The following ST7 variants were observed in gnomAD, a reference collection of about 807,000 sequenced individuals.
The protein encoded by ST7 is suppression of tumorigenicity 7.
A neutral mutation model predicts 78.7 loss-of-function variants in ST7; 28 were observed. That is an observed-to-expected ratio of 0.36 (90% CI 0.26 to 0.49). The LOEUF (loss-of-function observed/expected upper bound fraction) is 0.49, where lower values mean the gene tolerates loss of function less well. Among genes scored for constraint, ST7 ranks in the 20% least tolerant of loss-of-function variants. The probability of loss-of-function intolerance (pLI) is 0.99; values close to 1 mark genes in which losing one functional copy is unlikely to be tolerated. For synonymous variants in ST7, 247 were observed against 249.6 expected, an observed-to-expected ratio of 0.99 and a Z score of 0.10; for missense variants, 418 against 696.0, an observed-to-expected ratio of 0.60 and a Z score of 4.49.
At chr7:117,143,282 C>T (rs536264745) in intron 9 of ST7, among the ~76,000 whole-genome samples, 1 of 152,312 alleles carries the variant, frequency 6.6e-6, no homozygotes, top group African/African-American at 2.4e-5. Context: ...CTCCCTCACT[C>T]TTGTTTCACT....
chr7:116,989,736 G>A (rs568911142), intron 1 of ST7, among the ~76,000 whole-genome samples: 23 of 152,178 alleles, frequency 1.5e-4, no homozygotes, highest in Non-Finnish European at 2.5e-4. Flanking sequence ...CTGCTCAGGA[G>A]GCTGAGGTGG....
At chr7:117,021,794 G>A (rs1795926961) in intron 1 of ST7, among the ~76,000 whole-genome samples, 1 of 152,140 alleles carries the variant, frequency 6.6e-6, no homozygotes, top group Admixed American at 6.5e-5. Flanking sequence ...GACAGGTAAT[G>A]TCCCATTCAG....
At chr7:117,001,029 T>C (rs983999531) in intron 1 of ST7, among the ~76,000 whole-genome samples, 5 of 152,212 alleles carry the variant, frequency 3.3e-5, no homozygotes, top group Non-Finnish European at 5.9e-5. Context: ...ACCAGACAAT[T>C]AGTAGAACAT....
At chr7:117,183,884 G>A (rs1474761599) in intron 10 of ST7, among the ~76,000 whole-genome samples, 1 of 152,196 alleles carries the variant, frequency 6.6e-6, no homozygotes, top group Non-Finnish European at 1.5e-5. Flanking sequence ...TAAACATGTG[G>A]TGTATCCACA....
In ST7 at chr7:117,189,337, G is replaced by A; in HGVS notation, c.1095G>A (p.Lys365=). 1 of 1,608,452 alleles carries A rather than the reference G, an allele frequency of 6.2e-7. No homozygotes were observed. The highest frequency in any genetic ancestry group is 8.5e-7 in the Non-Finnish European group (1 of 1,176,976). The part of the protein sequence containing the change: ...LAKYDDISLP[K]SATICYTAAL... ...CTCCAACAGATATAAGCTTACCAAA[G>A]TCAGCAACAATATGCTACACAGCTG... Residue 365 remains lysine (K), a synonymous_variant, in exon 11 of 16, where the codon AAG becomes AAA. Coordinates refer to ENST00000323984, the MANE Select transcript of ST7 (RefSeq NM_001369598.1).
At chr7:117,076,296 A>C (rs1183350711) in intron 1 of ST7, among the ~76,000 whole-genome samples, 1 of 152,258 alleles carries the variant, frequency 6.6e-6, no homozygotes, top group Non-Finnish European at 1.5e-5. Flanking sequence ...ATCTGTGGTG[A>C]AACTGAAAGT....
At chr7:117,196,232 G>A (rs1176778513) in intron 12 of ST7, among the ~76,000 whole-genome samples, 1 of 152,166 alleles carries the variant, frequency 6.6e-6, no homozygotes, top group East Asian at 1.9e-4. Flanking sequence ...GAAAATAGCA[G>A]TGCAAATATT....
At position 117,201,445 on chromosome 7, in the gene ST7, C is replaced by T. The variant is rs185950730; in HGVS notation, c.1255-8342C>T. Among the ~76,000 whole-genome samples the T allele has an allele frequency of 3.0e-4, 45 of 152,240 alleles. 1 individual carries two copies. The East Asian group carries it at 7.3e-3, about 25-fold the overall frequency. On this transcript the variant is annotated intron_variant, in intron 12 of 15. Coordinates refer to ENST00000323984, the MANE Select transcript of ST7 (RefSeq NM_001369598.1). ...CTACTGAGGTCACTCTTATTAAGGCCGCTGCCACCTAGGCCACCAGATCTG... is the reference window on the plus strand; with the variant it reads ...CTACTGAGGTCACTCTTATTAAGGCTGCTGCCACCTAGGCCACCAGATCTG...
intron 1 of ST7, among the ~76,000 whole-genome samples, chr7:117,079,898 G>A (rs1015152731): frequency 1.4e-5 from 2 of 145,442 alleles, no homozygotes; most frequent in East Asian, 2.1e-4. Flanking sequence ...TTTCAAGTCT[G>A]TAGTGAAGAA....
At chr7:116,961,019 T>C (rs903820053) in intron 1 of ST7, among the ~76,000 whole-genome samples, 7 of 152,206 alleles carry the variant, frequency 4.6e-5, no homozygotes, top group African/African-American at 1.7e-4. Flanking sequence ...ACTTTCAATC[T>C]TTTGCATATG....
At chr7:117,146,231 C>T (rs974325621) in intron 9 of ST7, 3 of 152,158 alleles carry the variant, frequency 2.0e-5, no homozygotes, top group Admixed American at 6.5e-5. Flanking sequence ...ACAGTGCCAT[C>T]GCACTGTAAA....
chr7:117,040,640 A>G (rs1797165510), intron 1 of ST7, among the ~76,000 whole-genome samples: 2 of 152,212 alleles, frequency 1.3e-5, no homozygotes, highest in Non-Finnish European at 2.9e-5. Flanking sequence ...TTAAGGATTC[A>G]TCTAGTGATC....
At chr7:117,109,365 GA>G (rs1439229181) in intron 2 of ST7, among the ~76,000 whole-genome samples, 1 of 152,088 alleles carries the variant, frequency 6.6e-6, no homozygotes, top group Non-Finnish European at 1.5e-5. Flanking sequence ...AGCTCAATTA[GA>G]AACGAAATAG....
intron 9 of ST7, among the ~76,000 whole-genome samples, chr7:117,152,222 T>TAA (rs1563124840): frequency 8.5e-5 from 10 of 117,956 alleles, no homozygotes; most frequent in African/African-American, 2.5e-4. Context: ...TATATATATA[T>TAA]ACCATGAACA....
chr7:117,171,747 A>G (rs912228852), intron 10 of ST7, among the ~76,000 whole-genome samples: 4 of 152,078 alleles, frequency 2.6e-5, no homozygotes, highest in African/African-American at 7.2e-5. Flanking sequence ...AGAGCTTCAT[A>G]CTATTCTGCC....
At chr7:117,116,842 A>G (rs78068554) in intron 2 of ST7, among the ~76,000 whole-genome samples, 2,271 of 152,344 alleles carry the variant, frequency 0.015, 57 homozygotes, top group African/African-American at 0.051. Flanking sequence ...CCTATTACAA[A>G]GCAAATGTCC....
At chr7:117,141,613 GC>G (rs1377113432) in intron 9 of ST7, among the ~76,000 whole-genome samples, 4 of 152,102 alleles carry the variant, frequency 2.6e-5, no homozygotes, top group Non-Finnish European at 4.4e-5. Flanking sequence ...GAATATTTTG[GC>G]AGTAAGCAGA....
At chr7:117,099,074 A>AAAAAAAAG (rs1563080274) in intron 1 of ST7, among the ~76,000 whole-genome samples, 5 of 149,490 alleles carry the variant, frequency 3.3e-5, no homozygotes, top group East Asian at 1.9e-4. Flanking sequence ...AACAAAAAAA[A>AAAAAAAAG]AAGAAGAAGA....
chr7:117,093,735 GA>G (rs1036720327), intron 1 of ST7, among the ~76,000 whole-genome samples: 1 of 152,044 alleles, frequency 6.6e-6, no homozygotes, highest in Admixed American at 6.6e-5. Flanking sequence ...AAAATCAAAA[GA>G]AAAACAGCCG....
Sources: allele counts gnomAD v4.1 joint callset (sites outside exome capture counted in the v4.1 genomes callset), GRCh38; gene constraint gnomAD v4.1.1; transcripts MANE v1.5; gene names NCBI Gene and HGNC (gene_info 2026-07-23, HGNC 2026-07-21).